MAP4K2: variants seen among roughly 807,000 people sequenced by gnomAD.
MAP4K2 encodes the protein B lymphocyte serine/threonine protein kinase.
A neutral mutation model predicts 125.3 loss-of-function variants in MAP4K2; 85 were observed. That is an observed-to-expected ratio of 0.68 (90% CI 0.57 to 0.81). The LOEUF (loss-of-function observed/expected upper bound fraction) is 0.81. Ranked by LOEUF, MAP4K2 falls within the 40% of genes least tolerant of loss-of-function variation. MAP4K2 has a pLI of 0.00. For synonymous variants in MAP4K2, 479 were observed against 445.1 expected, an observed-to-expected ratio of 1.08 and a Z score of -0.96; for missense variants, 923 against 1,056.4, an observed-to-expected ratio of 0.87 and a Z score of 1.75.
At chr11:64,799,391 C>G (rs370063280) in intron 14 of MAP4K2, 30 bp downstream of exon 14, 2 of 1,610,352 alleles carry the variant, frequency 1.2e-6, no homozygotes, top group Non-Finnish European at 1.7e-6. Flanking sequence ...CCTCTGGGCA[C>G]CACCTTCCCC....
In MAP4K2 at chr11:64,796,811, C is replaced by T. The variant is rs1424713741; in HGVS notation, c.1490G>A (p.Arg497Gln). 1.5e-5 allele frequency: 24 copies of T among 1,613,616 alleles called. No individual in the cohort carries two copies. The highest frequency in any genetic ancestry group is 1.9e-5 in the Non-Finnish European group (22 of 1,180,034). Residue 497 changes from arginine to glutamine, a missense_variant and splice_region_variant, in exon 21 of 32, where the codon CGG becomes CAG. Physicochemically the swap from Arg to Gln is conservative, Grantham distance 43. Around this residue, in one of 2 missense-constraint regions of MAP4K2, gnomAD observed 833 missense variants for 911.4 expected, o/e 0.91. Transcript: ENST00000294066. ...GCTTCCTCCCTGCCCCCACCTACCC[C>T]GAGTAACAGGGTGAATCCAGGTGAC... is the stretch of plus-strand genomic sequence containing the variant. ...AAVTWIHPVT[R>Q]DQFLVVGAEE...
At position 64,788,803 on chromosome 11, in the gene MAP4K2, A is replaced by T. The variant is rs1477488951; in HGVS notation, c.*734T>A. On this transcript the variant is annotated 3_prime_UTR_variant, in exon 32 of 32. Transcript: ENST00000294066. ...CTGGGGGCTCCTCCTGGGCCCTTCC[A>T]GGGGTCACCCAGTGAGATCCTACGT... 1 of 152,312 alleles carries T rather than the reference A, an allele frequency of 6.6e-6. No individual in the cohort carries two copies. The allele number at this position is 152,312 out of a possible 1,614,324, so 9.4% of individuals were successfully genotyped here.
At chr11:64,802,754 C>T in intron 2 of MAP4K2, 101 bp from the exon 3 acceptor site, 2 of 1,458,324 alleles carry the variant, frequency 1.4e-6, no homozygotes, top group Non-Finnish European at 1.9e-6. Context: ...CCGGGCCAGG[C>T]AGGTGCAGGT....
intron 2 of MAP4K2, 27 bp downstream of exon 2, chr11:64,802,858 G>A: frequency 1.3e-6 from 2 of 1,592,790 alleles, no homozygotes; most frequent in Non-Finnish European, 1.7e-6. Flanking sequence ...CCTTCCTCTG[G>A]CGCAGAGGCC....
rs771672624 is a variant in MAP4K2, at chr11:64,796,971, C to A, written c.1407+11G>T. 5 of 1,613,694 alleles carry A rather than the reference C, an allele frequency of 3.1e-6. No individual in the cohort carries two copies. The highest frequency in any genetic ancestry group is 4.5e-5 in the East Asian group (2 of 44,878). On this transcript the variant is annotated intron_variant, in intron 20 of 31. Coordinates refer to ENST00000294066, the MANE Select transcript of MAP4K2 (RefSeq NM_004579.5). ...GGCTGTGGGACTGCAGGGCTTGGGG[C>A]AAACACTTACATGCACCTTGGGAGT...
chr11:64,799,650 G>T lies in MAP4K2; in HGVS notation c.949C>A (p.Arg317=). 1 of 1,613,942 alleles carries T rather than the reference G, an allele frequency of 6.2e-7. No individual in the cohort carries two copies. Among genetic ancestry groups the T allele is most frequent in the East Asian group, 2.2e-5 (1 of 44,880 alleles). Residue 317 remains arginine, a synonymous_variant, in exon 13 of 32, where the codon CGG becomes AGG. Coordinates refer to ENST00000294066, the MANE Select transcript of MAP4K2 (RefSeq NM_004579.5). ...YDMFPDTIHS[R]GQHGPAERTP... ...CTCTCGGCTGGGCCGTGCTGCCCCC[G>T]GGAGTGAATGGTGTCTGGAAACATG...
Position 64,792,015 on chromosome 11 carries a change from C to T in MAP4K2, c.1986G>A (p.Pro662=), listed in dbSNP as rs1276608476. 5.6e-6 allele frequency: 9 copies of T among 1,598,132 alleles called. No homozygotes were observed. Among genetic ancestry groups the T allele is most frequent in the East Asian group, 4.5e-5 (2 of 44,150 alleles). The part of the protein sequence containing the change: ...EPLVLDGKEL[P]QVCVGAEGPE... Reference sequence around the variant, plus strand: ...GCCCCTCGGCCCCAACACACACCTGCGGCAGCTCCTTCCCATCCAGCACCA... The same window carrying T: ...GCCCCTCGGCCCCAACACACACCTGTGGCAGCTCCTTCCCATCCAGCACCA... The change falls in exon 27 of 32, where the codon CCG becomes CCA. Residue 662 remains proline, a synonymous_variant. Transcript: ENST00000294066.
rs905726424 is a variant in MAP4K2, at chr11:64,785,542, T to C, written c.*3995A>G. The C allele has an allele frequency of 2.0e-5, 3 of 152,330 alleles. No homozygotes were observed. Among genetic ancestry groups the C allele is most frequent in the Middle Eastern group, 3.4e-3 (1 of 294 alleles). The allele number at this position is 152,330 out of a possible 1,614,324, so 9.4% of individuals were successfully genotyped here. A position where few individuals can be genotyped will look rare whatever the true frequency, so the allele number is the denominator to read the frequency against. ...TTGGTCTTGTCTTTCAAGCGAGTTCTATTTTTTCGGTGATTACTTTTAAAT... is the reference window on the plus strand; with the variant it reads ...TTGGTCTTGTCTTTCAAGCGAGTTCCATTTTTTCGGTGATTACTTTTAAAT... On this transcript the variant is annotated 3_prime_UTR_variant, in exon 32 of 32. Coordinates refer to ENST00000294066, the MANE Select transcript of MAP4K2 (RefSeq NM_004579.5).
At chr11:64,790,153 G>A (rs747649893) in intron 29 of MAP4K2, 35 bp downstream of exon 29, 13 of 1,610,418 alleles carry the variant, frequency 8.1e-6, no homozygotes, top group African/African-American at 1.3e-5. Context: ...CTCCAGGCCA[G>A]GGAAAGGCCT....
At chr11:64,790,311 G>A in intron 28 of MAP4K2, 37 bp from the exon 29 acceptor site, 2 of 1,613,352 alleles carry the variant, frequency 1.2e-6, no homozygotes, top group Non-Finnish European at 8.5e-7. Context: ...GGGACGGGGA[G>A]GCTCCCTTCT....
intron 14 of MAP4K2, 30 bp downstream of exon 14, chr11:64,799,391 C>T: frequency 1.9e-6 from 3 of 1,610,352 alleles, no homozygotes; most frequent in Non-Finnish European, 2.5e-6. Flanking sequence ...CCTCTGGGCA[C>T]CACCTTCCCC....
chr11:64,797,774 C>A, intron 15 of MAP4K2, 110 bp from the exon 16 acceptor site: 2 of 1,054,610 alleles, frequency 1.9e-6, no homozygotes, highest in East Asian at 5.6e-5. Context: ...GGCGCAATCG[C>A]GGCTCACTGC....
rs775390654 is a variant in MAP4K2 at position 64,799,638 on chromosome 11, C to T, written c.961G>A (p.Gly321Ser). The T allele has an allele frequency of 5.0e-6, 8 of 1,613,922 alleles. No individual in the cohort carries two copies. The highest frequency in any genetic ancestry group is 6.8e-6 in the Non-Finnish European group (8 of 1,180,034). Residue 321 changes from glycine (G) to serine (S), a missense_variant, in exon 13 of 32, where the codon GGC becomes AGC. By Grantham distance (56) the Gly-to-Ser change is moderately conservative. Transcript: ENST00000294066. ...TCCGAGGGGGTCCTCTCGGCTGGGC[C>T]GTGCTGCCCCCGGGAGTGAATGGTG... ...PDTIHSRGQHGPAERTPSEIQ... is the reference protein window; with the variant it reads ...PDTIHSRGQHSPAERTPSEIQ...
intron 15 of MAP4K2, 64 bp downstream of exon 15, chr11:64,798,730 C>T (rs964228473): frequency 2.7e-5 from 42 of 1,581,454 alleles, no homozygotes; most frequent in African/African-American, 1.1e-4. Context: ...CCACCACGCC[C>T]GGTCAGAGGT....
rs1455248944 is a variant in MAP4K2 at position 64,787,865 on chromosome 11, AC to A, written c.*1671del. ...GGAGCTCACCTCCCTGTCCCCACTT[AC>A]CCCACCCTGGTCCCAACATTCCTCC... is the stretch of plus-strand genomic sequence containing the variant. On this transcript the variant is annotated 3_prime_UTR_variant, in exon 32 of 32. Coordinates refer to ENST00000294066, the MANE Select transcript of MAP4K2 (RefSeq NM_004579.5). 1.3e-5 allele frequency: 2 copies of A among 151,958 alleles called. No homozygotes were observed. Among genetic ancestry groups the A allele is most frequent in the Non-Finnish European group, 2.9e-5 (2 of 67,992 alleles). 9.4% of individuals were successfully genotyped at this position (151,958 alleles called of 1,614,324 possible).
chr11:64,795,230 C>T (rs925371445), intron 24 of MAP4K2, among the ~76,000 whole-genome samples: 4 of 142,962 alleles, frequency 2.8e-5, no homozygotes, highest in African/African-American at 1.0e-4. Flanking sequence ...ACTACAGGTG[C>T]GCACCACTAC....
In MAP4K2 at chr11:64,787,973, C is replaced by T. The variant is rs1321931649; in HGVS notation, c.*1564G>A. The T allele has an allele frequency of 1.3e-5, 2 of 152,192 alleles. No individual in the cohort carries two copies. The highest frequency in any genetic ancestry group is 2.9e-5 in the Non-Finnish European group (2 of 68,038). The allele number at this position is 152,192 out of a possible 1,614,324, so 9.4% of individuals were successfully genotyped here. On this transcript the variant is annotated 3_prime_UTR_variant, in exon 32 of 32. Transcript: ENST00000294066. ...CCCCAATTTGGAAGGTGCCCCTCAC[C>T]CTCCTTGGGGCTCACGGGAACATGG...
intron 24 of MAP4K2, among the ~76,000 whole-genome samples, chr11:64,792,886 T>A (rs544929352): frequency 7.9e-5 from 12 of 152,050 alleles, no homozygotes; most frequent in Non-Finnish European, 8.8e-5. Context: ...CTATTTTGAG[T>A]CACTGAAAGT....
Position 64,802,666 on chromosome 11 carries a change from A to G in MAP4K2, c.155-13T>C. On this transcript the variant is annotated splice_polypyrimidine_tract_variant and intron_variant, in intron 2 of 31. Transcript: ENST00000294066. The stretch of plus-strand genomic sequence containing the variant: ...CTGATGTCGTCCCCTGGGAAGCACA[A>G]AGCATCATGGGGAAGGCGCGCTGGG... The G allele has an allele frequency of 1.2e-6, 2 of 1,610,714 alleles. No homozygotes were observed. The highest frequency in any genetic ancestry group is 1.7e-6 in the Non-Finnish European group (2 of 1,178,388).
Sources: gnomAD v4.1 joint callset for allele counts (sites outside exome capture counted in the v4.1 genomes callset) on GRCh38, gnomAD v4.1.1 for gene constraint, gnomAD v4.1.1 regional missense constraint, MANE v1.5 for transcripts, NCBI Gene and HGNC (gene_info 2026-07-23, HGNC 2026-07-21) for gene names.